ARHGEF10L: variants seen among roughly 807,000 people sequenced by gnomAD.
ARHGEF10L encodes rho guanine nucleotide exchange factor 10-like protein.
A neutral mutation model predicts 141.2 loss-of-function variants in ARHGEF10L; 69 were observed. The ratio of observed to expected loss-of-function variants is 0.49; its 90% CI spans 0.40 to 0.60. The LOEUF is 0.60. ARHGEF10L is among the 20% of genes least tolerant of loss of function. The pLI is 0.00. For synonymous variants in ARHGEF10L, 711 were observed against 718.5 expected (o/e 0.99, Z 0.17); for missense variants, 1,482 against 1,734.3 (o/e 0.85, Z 2.58).
chr1:17,687,051 G>A (rs146124514), intron 26 of ARHGEF10L, among the ~76,000 whole-genome samples: 24 of 151,474 alleles, frequency 1.6e-4, no homozygotes, highest in African/African-American at 5.8e-4. Context: ...TCTCCTTGCT[G>A]TGAATGATGA....
chr1:17,655,711 G>A (rs1441251705), intron 23 of ARHGEF10L, among the ~76,000 whole-genome samples, 168 bp from the exon 24 acceptor site: 3 of 152,206 alleles, frequency 2.0e-5, no homozygotes, highest in African/African-American at 4.8e-5. Flanking sequence ...CTTATTTGTT[G>A]CCATGGCAGC....
Position 17,632,469 on chromosome 1 carries a change from A to C in ARHGEF10L, c.1730+3A>C, listed in dbSNP as rs749980845. The C allele has an allele frequency of 6.2e-7, 1 of 1,614,080 alleles. No individual in the cohort carries two copies. Among genetic ancestry groups the C allele is most frequent in the Non-Finnish European group, 8.5e-7 (1 of 1,179,974 alleles). On this transcript the variant is annotated splice_donor_region_variant and intron_variant, in intron 16 of 28. Transcript: ENST00000361221. Reference sequence around the variant, plus strand: ...GTCTGTGCCAACATCAACTTCAAGTAAGTGGGCCTGGGTTGGAGGGGGCAA... The same window carrying C: ...GTCTGTGCCAACATCAACTTCAAGTCAGTGGGCCTGGGTTGGAGGGGGCAA...
chr1:17,534,746 T>C (rs2076550211), upstream of ARHGEF10L, among the ~76,000 whole-genome samples: 1 of 151,800 alleles, frequency 6.6e-6, no homozygotes, highest in South Asian at 2.1e-4. Flanking sequence ...TGTGCCACCA[T>C]GCCTGGCTAA....
chr1:17,580,783 T>C, intron 2 of ARHGEF10L, 151 bp downstream of exon 2: 1 of 878,774 alleles, frequency 1.1e-6, no homozygotes, highest in Non-Finnish European at 1.8e-6. Flanking sequence ...ATCCTCTATC[T>C]CACGTTCCTT....
intron 2 of ARHGEF10L, among the ~76,000 whole-genome samples, chr1:17,586,154 C>T (rs1276755728): frequency 3.4e-5 from 5 of 148,474 alleles, no homozygotes; most frequent in Non-Finnish European, 4.4e-5. Context: ...TATCCAGTCC[C>T]AAGTATCAAT....
At position 17,621,294 on chromosome 1, in the gene ARHGEF10L, G is replaced by C. The variant is rs779880923; in HGVS notation, c.943-570G>C. ...GTTGCCCAGGCTGGAGTGCAGTGGC[G>C]CGATCTTGGCCCACTGCAACCTCTG... On this transcript the variant is annotated intron_variant, in intron 10 of 28. Transcript: ENST00000361221. The surrounding 1 kb of genome is among the most constrained non-coding windows in gnomAD (Gnocchi z 4.1). Among the ~76,000 whole-genome samples the C allele has an allele frequency of 4.1e-4, 63 of 152,134 alleles. No individual in the cohort carries two copies. Among genetic ancestry groups the C allele is most frequent in the African/African-American group, 1.4e-3 (60 of 41,482 alleles).
intron 2 of ARHGEF10L, among the ~76,000 whole-genome samples, chr1:17,584,490 A>T (rs2078856003): frequency 6.6e-6 from 1 of 152,158 alleles, no homozygotes; most frequent in Admixed American, 6.6e-5. Context: ...TGCCCTCGTG[A>T]AGCTTATATT....
chr1:17,537,948 G>A (rs550716511), upstream of ARHGEF10L, among the ~76,000 whole-genome samples: 50 of 150,678 alleles, frequency 3.3e-4, no homozygotes, highest in South Asian at 8.2e-3. Context: ...CACCATGCCC[G>A]CACCTGTAGT....
chr1:17,516,555 G>A, the ARHGEF10L span, among the ~76,000 whole-genome samples: 1 of 152,204 alleles, frequency 6.6e-6, no homozygotes, highest in South Asian at 2.1e-4. Context: ...GCTGCCGTGG[G>A]AGTGGAAGGC....
chr1:17,521,196 G>C, the ARHGEF10L span, among the ~76,000 whole-genome samples: 4 of 152,184 alleles, frequency 2.6e-5, no homozygotes, highest in African/African-American at 9.6e-5. Context: ...GTTTTGTTTT[G>C]TTTTGTTTTG....
intron 23 of ARHGEF10L, among the ~76,000 whole-genome samples, 194 bp from the exon 24 acceptor site, chr1:17,655,685 C>A (rs2062197686): frequency 6.6e-6 from 1 of 152,242 alleles, no homozygotes; most frequent in African/African-American, 2.4e-5. Flanking sequence ...TACCTGATTT[C>A]CTGTGGGCCC....
the ARHGEF10L span, among the ~76,000 whole-genome samples, chr1:17,513,785 G>A: frequency 6.6e-6 from 1 of 152,236 alleles, no homozygotes; most frequent in Middle Eastern, 3.4e-3. Context: ...ATGTTACATG[G>A]AAATTCTTTC....
chr1:17,616,614 T>C (rs995562861), intron 9 of ARHGEF10L, among the ~76,000 whole-genome samples: 1 of 152,224 alleles, frequency 6.6e-6, no homozygotes, highest in African/African-American at 2.4e-5. Context: ...CTGTGCTGCA[T>C]GCAGGGACCC....
At chr1:17,670,378 C>T (rs530485204) in intron 26 of ARHGEF10L, among the ~76,000 whole-genome samples, 3 of 152,380 alleles carry the variant, frequency 2.0e-5, no homozygotes, top group South Asian at 2.1e-4. Flanking sequence ...ATGTCGCTCA[C>T]CGGGGCCCGT....
At chr1:17,661,566 A>G (rs1413814170) in intron 25 of ARHGEF10L, among the ~76,000 whole-genome samples, 3 of 152,162 alleles carry the variant, frequency 2.0e-5, no homozygotes, top group Non-Finnish European at 4.4e-5. Flanking sequence ...GCTCTGTTCC[A>G]GGGGAGTGGA....
Position 17,603,679 on chromosome 1 carries a change from C to T in ARHGEF10L, c.433+88C>T. 3 of 1,197,064 alleles carry T rather than the reference C, an allele frequency of 2.5e-6. No individual in the cohort carries two copies. The highest frequency in any genetic ancestry group is 3.5e-6 in the Non-Finnish European group (3 of 868,696). The allele number at this position is 1,197,064 out of a possible 1,614,324, so 74.2% of individuals were successfully genotyped here. On this transcript the variant is annotated intron_variant, in intron 6 of 28. Transcript: ENST00000361221. This position sits in a 1 kb window ranked among gnomAD's most constrained non-coding sequence, Gnocchi z 4.8. ...GAGGGTTGTCTCTTTCCGTTTCCTT[C>T]TGTCCCCACCTGGCCAAGTGCCCCT...
chr1:17,684,931 A>G (rs1052398621), intron 26 of ARHGEF10L, among the ~76,000 whole-genome samples: 4 of 151,986 alleles, frequency 2.6e-5, no homozygotes, highest in African/African-American at 7.3e-5. Context: ...AGAAAAAGCA[A>G]TTTCCTTGGA....
intron 26 of ARHGEF10L, among the ~76,000 whole-genome samples, chr1:17,670,967 G>T (rs888453078): frequency 1.3e-5 from 2 of 152,246 alleles, no homozygotes; most frequent in Admixed American, 1.3e-4. Context: ...TGCTCCAGCC[G>T]AGTCATCCCT....
chr1:17,671,830 A>G (rs2063340012), intron 26 of ARHGEF10L, among the ~76,000 whole-genome samples: 1 of 152,188 alleles, frequency 6.6e-6, no homozygotes, highest in Admixed American at 6.5e-5. Flanking sequence ...GCTGGCTCCC[A>G]TTGTTACCAT....
Sources: gnomAD v4.1 joint callset for allele counts (sites outside exome capture counted in the v4.1 genomes callset) on GRCh38, gnomAD v4.1.1 for gene constraint, Gnocchi (gnomAD v3.1) non-coding constraint, MANE v1.5 for transcripts, NCBI Gene and HGNC (gene_info 2026-07-23, HGNC 2026-07-21) for gene names.